The following PLPP1 variants were observed in gnomAD, a reference collection of about 807,000 sequenced individuals.
PLPP1 encodes lipid phosphate phosphohydrolase 1a.
A neutral mutation model predicts 31.2 loss-of-function variants in PLPP1; 24 were observed. The ratio of observed to expected loss-of-function variants is 0.77; its 90% confidence interval spans 0.56 to 1.08. The LOEUF is 1.08. Among genes scored for constraint, PLPP1 ranks in the 50% least tolerant of loss-of-function variants. PLPP1 has a pLI of 0.00. For synonymous variants in PLPP1, 146 were observed against 126.3 expected, an observed-to-expected ratio of 1.16 and a Z score of -1.05; for missense variants, 319 against 342.7, an observed-to-expected ratio of 0.93 and a Z score of 0.55.
At chr5:55,462,890 G>A (rs370922591) in intron 3 of PLPP1, among the ~76,000 whole-genome samples, 5 of 151,772 alleles carry the variant, frequency 3.3e-5, no homozygotes, top group Non-Finnish European at 4.4e-5. Context: ...GGAGAATGGC[G>A]TGAACCCGGG....
rs181245374 is a variant in PLPP1 at position 55,430,068 on chromosome 5, C to T, written c.550-4029G>A. On this transcript the variant is annotated intron_variant, in intron 4 of 5. Transcript: ENST00000307259. ...GGGGCCTCAGGAAGGGACCATCCAACCTGCTGCTACCACCACCCACATGCA... is the reference window on the plus strand; with the variant it reads ...GGGGCCTCAGGAAGGGACCATCCAATCTGCTGCTACCACCACCCACATGCA... Among the ~76,000 whole-genome samples, 16 of 152,206 alleles carry T rather than the reference C, an allele frequency of 1.1e-4. No homozygotes were observed. The East Asian group carries it at 3.1e-3, about 29-fold the overall frequency.
At chr5:55,428,651 T>C (rs1751267714) in intron 4 of PLPP1, among the ~76,000 whole-genome samples, 1 of 152,258 alleles carries the variant, frequency 6.6e-6, no homozygotes. Flanking sequence ...AAAAGTTGAA[T>C]GTCTGAAGCT....
At chr5:55,464,990 AT>A (rs1162276057) in intron 3 of PLPP1, among the ~76,000 whole-genome samples, 1 of 150,952 alleles carries the variant, frequency 6.6e-6, no homozygotes, top group African/African-American at 2.4e-5. Flanking sequence ...TATCTATTCT[AT>A]TTTTTTCCTT....
chr5:55,424,926 CAT>C lies in PLPP1; in HGVS notation c.*278_*279del. 1 of 631,120 alleles carries C rather than the reference CAT, an allele frequency of 1.6e-6. No homozygotes were observed. Among genetic ancestry groups the C allele is most frequent in the Non-Finnish European group, 2.7e-6 (1 of 366,834 alleles). The allele number at this position is 631,120 out of a possible 1,614,324, so 39.1% of individuals were successfully genotyped here. A position where few individuals can be genotyped will look rare whatever the true frequency, so the allele number is the denominator to read the frequency against. On this transcript the variant is annotated 3_prime_UTR_variant, in exon 6 of 6. Coordinates refer to ENST00000307259, the MANE Select transcript of PLPP1 (RefSeq NM_003711.4). ...TCATTCATAGAAAGCATATTACATA[CAT>C]GTTTATACATAAGCATTACATTTTT... is the stretch of plus-strand genomic sequence containing the variant.
At chr5:55,450,310 G>C (rs1005229518) in intron 3 of PLPP1, among the ~76,000 whole-genome samples, 1 of 152,166 alleles carries the variant, frequency 6.6e-6, no homozygotes, top group Non-Finnish European at 1.5e-5. Flanking sequence ...AGAGAAACTA[G>C]CAGGAACATG....
chr5:55,468,393 A>T, intron 2 of PLPP1: 1 of 365,998 alleles, frequency 2.7e-6, no homozygotes, highest in East Asian at 4.6e-5. Context: ...AAATTATATC[A>T]TCACTTACCT....
chr5:55,446,914 T>G (rs1751778789), intron 3 of PLPP1, among the ~76,000 whole-genome samples: 1 of 152,198 alleles, frequency 6.6e-6, no homozygotes, highest in Admixed American at 6.5e-5. Flanking sequence ...TCACTGCCTA[T>G]CAAAACTCAG....
At chr5:55,443,192 A>AAAAAAAAT in intron 3 of PLPP1, among the ~76,000 whole-genome samples, 1 of 25,416 alleles carries the variant, frequency 3.9e-5, no homozygotes, top group African/African-American at 1.1e-4. Context: ...AAAAAAAAAA[A>AAAAAAAAT]ATATATATAT....
chr5:55,470,889 T>G lies in PLPP1; in HGVS notation c.211-2740A>C, dbSNP rs574775325. Among the ~76,000 whole-genome samples, 10 of 152,268 alleles carry G rather than the reference T, an allele frequency of 6.6e-5. No homozygotes were observed. The South Asian group carries it at 2.1e-3, about 32-fold the overall frequency. Reference sequence around the variant, plus strand: ...AAAGAAATAAAAATGTTTGGAGAAGTAAAACAATACTTATGAAGTTCAAAG... The same window carrying G: ...AAAGAAATAAAAATGTTTGGAGAAGGAAAACAATACTTATGAAGTTCAAAG... On this transcript the variant is annotated intron_variant, in intron 2 of 5. Coordinates refer to ENST00000307259, the MANE Select transcript of PLPP1 (RefSeq NM_003711.4).
At chr5:55,491,870 AAAAAAAGAAAG>A (rs1256589892) in intron 1 of PLPP1, among the ~76,000 whole-genome samples, 1 of 148,016 alleles carries the variant, frequency 6.8e-6, no homozygotes, top group Non-Finnish European at 1.5e-5. Flanking sequence ...GAAAAAAAAA[AAAAAAAGAAAG>A]AAAAGAAAGA....
chr5:55,445,755 G>C (rs920438399), intron 3 of PLPP1, among the ~76,000 whole-genome samples: 1 of 151,864 alleles, frequency 6.6e-6, no homozygotes, highest in African/African-American at 2.4e-5. Flanking sequence ...GTGTTGCCCA[G>C]GCTGGCCTCA....
Position 55,452,026 on chromosome 5 carries a change from T to TA in PLPP1, c.492-10119dup, listed in dbSNP as rs370308566. On this transcript the variant is annotated intron_variant, in intron 3 of 5. Transcript: ENST00000307259. ...TATAGGAAAAAAAACATGAGCTTGT[T>TA]ACTCTCCTGCTTCAAGTCCTTCACT... 2.2e-3 allele frequency among the ~76,000 whole-genome samples: 342 copies of TA among 152,346 alleles called. 3 individuals carry two copies. Among genetic ancestry groups the TA allele is most frequent in the Non-Finnish European group, 2.4e-3 (161 of 68,038 alleles).
chr5:55,526,293 T>C (rs1321042011), intron 1 of PLPP1, among the ~76,000 whole-genome samples: 1 of 152,198 alleles, frequency 6.6e-6, no homozygotes, highest in Non-Finnish European at 1.5e-5. Context: ...AGAATTTACA[T>C]TTCATAAAAT....
chr5:55,458,613 C>T lies in PLPP1; in HGVS notation c.491+9256G>A, dbSNP rs7732932. Among the ~76,000 whole-genome samples, 647 of 152,022 alleles carry T rather than the reference C, an allele frequency of 4.3e-3. 5 individuals carry two copies. Among genetic ancestry groups the T allele is most frequent in the African/African-American group, 0.015 (617 of 41,514 alleles). ...ATAGAAAATACATAGCAAGGCTGGGCGTGGTGGCTCACGCCTGTAGTCCCA... is the reference window on the plus strand; with the variant it reads ...ATAGAAAATACATAGCAAGGCTGGGTGTGGTGGCTCACGCCTGTAGTCCCA... On this transcript the variant is annotated intron_variant, in intron 3 of 5. Transcript: ENST00000307259.
At chr5:55,490,460 T>C (rs1038506313) in intron 1 of PLPP1, among the ~76,000 whole-genome samples, 2 of 152,076 alleles carry the variant, frequency 1.3e-5, no homozygotes, top group African/African-American at 4.8e-5. Context: ...AATAGTGACA[T>C]ATCTTAATGT....
intron 1 of PLPP1, among the ~76,000 whole-genome samples, chr5:55,513,166 T>C (rs548028036): frequency 6.6e-6 from 1 of 152,270 alleles, no homozygotes; most frequent in African/African-American, 2.4e-5. Flanking sequence ...TCTCCCTTAT[T>C]AGTAACTGGG....
intron 1 of PLPP1, among the ~76,000 whole-genome samples, chr5:55,508,631 T>C (rs1487462864): frequency 6.6e-6 from 1 of 152,194 alleles, no homozygotes; most frequent in Non-Finnish European, 1.5e-5. Context: ...AAATTAAAAA[T>C]ATTTAATAAC....
At chr5:55,436,288 T>C (rs1000075842) in intron 4 of PLPP1, among the ~76,000 whole-genome samples, 6 of 152,126 alleles carry the variant, frequency 3.9e-5, no homozygotes, top group African/African-American at 1.4e-4. Context: ...TCCCACATGT[T>C]GTGGGAGGGA....
At chr5:55,530,699 C>G in intron 1 of PLPP1, 1 of 1,581,504 alleles carries the variant, frequency 6.3e-7, no homozygotes, top group African/African-American at 1.3e-5. Context: ...GGCATGCTCT[C>G]TCTTCTAGTC....
Sources: allele counts gnomAD v4.1 joint callset (sites outside exome capture counted in the v4.1 genomes callset), GRCh38; gene constraint gnomAD v4.1.1; transcripts MANE v1.5; gene names NCBI Gene and HGNC (gene_info 2026-07-23, HGNC 2026-07-21).